RANBP3L: variants seen among roughly 807,000 people sequenced by gnomAD.
RANBP3L encodes RAN binding protein 3 like, also known as ran-binding protein 3-like.
Under a neutral mutation model 67.2 loss-of-function variants are expected in RANBP3L, and 56 were observed. That is an observed-to-expected ratio of 0.83 (90% CI 0.67 to 1.04). The LOEUF is 1.04. Ranked by LOEUF, RANBP3L falls within the 50% of genes least tolerant of loss-of-function variation. The pLI is 0.00. For synonymous variants in RANBP3L, 164 were observed against 181.4 expected (o/e 0.90, Z 0.77); for missense variants, 496 against 535.5 (o/e 0.93, Z 0.73).
rs1348780218 is a variant in RANBP3L at position 36,301,754 on chromosome 5, T to A, written c.-338A>T. The A allele has an allele frequency of 1.1e-5, 2 of 190,178 alleles. No individual in the cohort carries two copies. Among genetic ancestry groups the A allele is most frequent in the Non-Finnish European group, 2.2e-5 (2 of 92,176 alleles). The allele number at this position is 190,178 out of a possible 1,614,324, so 11.8% of individuals were successfully genotyped here. ...AACTATTTCTAACAGATTACACTTTTGTCATTTTTAAATTCCTTTTGGCGA... is the reference window on the plus strand; with the variant it reads ...AACTATTTCTAACAGATTACACTTTAGTCATTTTTAAATTCCTTTTGGCGA... On this transcript the variant is annotated 5_prime_UTR_variant, in exon 1 of 14. Transcript: ENST00000296604.
At chr5:36,254,618 A>C (rs1748839904) in intron 11 of RANBP3L, among the ~76,000 whole-genome samples, 1 of 152,028 alleles carries the variant, frequency 6.6e-6, no homozygotes, top group South Asian at 2.1e-4. Context: ...TGCCAGTTAC[A>C]GAACTGAAGA....
chr5:36,298,022 T>C (rs1408948380), intron 1 of RANBP3L, among the ~76,000 whole-genome samples: 2 of 151,888 alleles, frequency 1.3e-5, no homozygotes, highest in Non-Finnish European at 2.9e-5. Context: ...TGTGTTGAGG[T>C]CAGTGCGGTG....
In RANBP3L at chr5:36,268,337, G is replaced by T. The variant is rs569403043; in HGVS notation, c.268+1053C>A. 1.2e-4 allele frequency: 131 copies of T among 1,125,730 alleles called. No individual in the cohort carries two copies. In the African/African-American group the frequency reaches 1.9e-3, roughly 17 times the overall value. The allele number at this position is 1,125,730 out of a possible 1,614,324, so 69.7% of individuals were successfully genotyped here. On this transcript the variant is annotated intron_variant, in intron 4 of 13. Transcript: ENST00000296604. ...TTGTTTTGTTTTCATTTGGAGTTTT[G>T]CTGTTTTGGAAAAATTTCTGTATCA...
intron 1 of RANBP3L, among the ~76,000 whole-genome samples, chr5:36,297,452 C>CAT (rs1416748164): frequency 6.6e-6 from 1 of 151,814 alleles, no homozygotes; most frequent in East Asian, 1.9e-4. Context: ...CACACGCACA[C>CAT]ACACACATCC....
rs753651450 is a variant in RANBP3L at position 36,301,454 on chromosome 5, G to A, written c.-38C>T. On this transcript the variant is annotated 5_prime_UTR_variant, in exon 1 of 14. Coordinates refer to ENST00000296604, the MANE Select transcript of RANBP3L (RefSeq NM_145000.5). ...ATGGCTGTGACTCAAGGATCACTAGGGCACCTCCTTCTCTGGCCAGTCACC... is the reference window on the plus strand; with the variant it reads ...ATGGCTGTGACTCAAGGATCACTAGAGCACCTCCTTCTCTGGCCAGTCACC... The A allele has an allele frequency of 3.9e-6, 6 of 1,521,500 alleles. No individual in the cohort carries two copies. The highest frequency in any genetic ancestry group is 5.5e-6 in the Non-Finnish European group (6 of 1,099,902). 94.2% of individuals were successfully genotyped at this position (1,521,500 alleles called of 1,614,324 possible).
At chr5:36,252,273 C>T (rs1156924663) in intron 12 of RANBP3L, among the ~76,000 whole-genome samples, 1 of 151,836 alleles carries the variant, frequency 6.6e-6, no homozygotes, top group East Asian at 1.9e-4. Flanking sequence ...TTTTATCATT[C>T]GCATTAGTGG....
intron 1 of RANBP3L, among the ~76,000 whole-genome samples, chr5:36,286,010 G>A (rs1017143341): frequency 1.3e-5 from 2 of 152,156 alleles, no homozygotes; most frequent in African/African-American, 2.4e-5. Context: ...AGGATAATTC[G>A]TGGTTACTGG....
Position 36,265,655 on chromosome 5 carries a change from C to T in RANBP3L, c.269-135G>A, listed in dbSNP as rs576104882. On this transcript the variant is annotated intron_variant, in intron 4 of 13. Transcript: ENST00000296604. ...CACTAACAGAGTAGTAGGTAGTGCC[C>T]TCTGGAGCACTGGCTCTGCGAAAAA... 1.8e-3 allele frequency: 882 copies of T among 482,690 alleles called. 6 individuals are homozygous for T. Among genetic ancestry groups the T allele is most frequent in the South Asian group, 7.1e-3 (215 of 30,490 alleles). The allele number at this position is 482,690 out of a possible 1,614,324, so 29.9% of individuals were successfully genotyped here.
intron 1 of RANBP3L, among the ~76,000 whole-genome samples, chr5:36,271,693 T>G (rs1304580036): frequency 6.6e-6 from 1 of 152,188 alleles, no homozygotes; most frequent in Non-Finnish European, 1.5e-5. Context: ...GAGTAGTACT[T>G]CCACTTAGGT....
chr5:36,299,779 T>C (rs917614867), intron 1 of RANBP3L, among the ~76,000 whole-genome samples: 3 of 152,138 alleles, frequency 2.0e-5, no homozygotes, highest in African/African-American at 7.2e-5. Context: ...AGGAACAGTG[T>C]GCAACTGTTA....
chr5:36,254,995 C>T (rs1500225), intron 11 of RANBP3L, among the ~76,000 whole-genome samples: 11,675 of 152,148 alleles, frequency 0.077, 1,551 homozygotes, highest in African/African-American at 0.27. Context: ...CATCCCATGT[C>T]TGGGATGCCA....
intron 3 of RANBP3L, among the ~76,000 whole-genome samples, 153 bp from the exon 4 acceptor site, chr5:36,269,620 G>A (rs1324974778): frequency 1.3e-5 from 2 of 152,164 alleles, no homozygotes; most frequent in East Asian, 3.8e-4. Flanking sequence ...TTTGCTGATT[G>A]ATTATAAACC....
chr5:36,301,048 T>G (rs884695), intron 1 of RANBP3L, among the ~76,000 whole-genome samples: 29,957 of 152,038 alleles, frequency 0.2, 3,120 homozygotes, highest in South Asian at 0.31. Flanking sequence ...CTTGCTCAGA[T>G]GGGTGTTTTG....
chr5:36,261,443 A>G (rs1749381013), intron 7 of RANBP3L, among the ~76,000 whole-genome samples: 1 of 152,190 alleles, frequency 6.6e-6, no homozygotes, highest in Non-Finnish European at 1.5e-5. Flanking sequence ...GCACCTGGAC[A>G]GAGCCCAGTC....
At chr5:36,279,572 A>G (rs1279709455) in intron 1 of RANBP3L, among the ~76,000 whole-genome samples, 1 of 152,162 alleles carries the variant, frequency 6.6e-6, no homozygotes, top group Non-Finnish European at 1.5e-5. Context: ...CTCACAAAGC[A>G]CTAGCTCAAC....
Position 36,267,141 on chromosome 5 carries a change from A to G in RANBP3L, c.269-1621T>C, listed in dbSNP as rs79961956. Among the ~76,000 whole-genome samples, 1,252 of 152,290 alleles carry G rather than the reference A, an allele frequency of 8.2e-3. 17 individuals are homozygous for G. Among genetic ancestry groups the G allele is most frequent in the African/African-American group, 0.028 (1,181 of 41,562 alleles). ...CTAAAAGGTGTCTCTTCTGCATCTG[A>G]AAGTTACTTGATATACTGTTGCTCA... On this transcript the variant is annotated intron_variant, in intron 4 of 13. Transcript: ENST00000296604.
At chr5:36,301,160 C>T (rs1258267948) in intron 1 of RANBP3L, among the ~76,000 whole-genome samples, 166 bp downstream of exon 1, 1 of 152,198 alleles carries the variant, frequency 6.6e-6, no homozygotes, top group Non-Finnish European at 1.5e-5. Context: ...TCTTGACAGT[C>T]TTCCATAGTC....
chr5:36,271,389 C>T, intron 1 of RANBP3L, 78 bp from the exon 2 acceptor site: 1 of 818,000 alleles, frequency 1.2e-6, no homozygotes, highest in African/African-American at 1.7e-5. Context: ...TATTTGAAGA[C>T]TTTTTTTTTT....
intron 1 of RANBP3L, among the ~76,000 whole-genome samples, chr5:36,283,960 T>C (rs1751156064): frequency 6.6e-6 from 1 of 152,088 alleles, no homozygotes. Flanking sequence ...TGTTTGAGTA[T>C]ATAGGTTGGG....
Sources: allele counts gnomAD v4.1 joint callset (sites outside exome capture counted in the v4.1 genomes callset), GRCh38; gene constraint gnomAD v4.1.1; transcripts MANE v1.5; gene names NCBI Gene and HGNC (gene_info 2026-07-23, HGNC 2026-07-21).